PARD3: variants seen among roughly 807,000 people sequenced by gnomAD.
PARD3 encodes par-3 family cell polarity regulator.
Under a neutral mutation model 155.4 loss-of-function variants are expected in PARD3, and 75 were observed. The observed-to-expected ratio is 0.48, with a 90% CI of 0.40 to 0.58. The LOEUF (loss-of-function observed/expected upper bound fraction) is 0.58, where lower values mean the gene tolerates loss of function less well. Ranked by LOEUF, PARD3 falls within the 20% of genes least tolerant of loss-of-function variation. The pLI, the probability that PARD3 is intolerant of heterozygous loss-of-function variation, is 0.00. For missense variants in PARD3, 1,642 were observed against 1,721.7 expected (o/e 0.95, Z 0.82); for synonymous variants, 576 against 610.5 (o/e 0.94, Z 0.83).
At chr10:34,322,706 T>C (rs552412264) in intron 19 of PARD3, among the ~76,000 whole-genome samples, 21 of 152,210 alleles carry the variant, frequency 1.4e-4, no homozygotes, top group African/African-American at 5.1e-4. Context: ...AACTCAACAA[T>C]ACTCTCCTCT....
chr10:34,170,267 T>C (rs1001922877), intron 22 of PARD3, among the ~76,000 whole-genome samples: 1 of 152,140 alleles, frequency 6.6e-6, no homozygotes, highest in African/African-American at 2.4e-5. Flanking sequence ...TTAAAATTTC[T>C]TGTAGAGACC....
intron 12 of PARD3, among the ~76,000 whole-genome samples, chr10:34,369,413 A>G (rs532598870): frequency 6.6e-6 from 1 of 151,896 alleles, no homozygotes; most frequent in African/African-American, 2.4e-5. Context: ...TTCTTCTTCC[A>G]GTGTGGCCCA....
At chr10:34,386,623 T>C (rs1842371203) in intron 7 of PARD3, among the ~76,000 whole-genome samples, 1 of 151,974 alleles carries the variant, frequency 6.6e-6, no homozygotes, top group Non-Finnish European at 1.5e-5. Flanking sequence ...AGGAGTTCAA[T>C]ACCAGACTGA....
At chr10:34,651,356 T>G (rs945854678) in intron 2 of PARD3, among the ~76,000 whole-genome samples, 7 of 152,336 alleles carry the variant, frequency 4.6e-5, no homozygotes, top group African/African-American at 1.4e-4. Flanking sequence ...CTAAAGGGCA[T>G]GTCACAGGCT....
At chr10:34,681,297 T>C (rs1183457879) in intron 2 of PARD3, among the ~76,000 whole-genome samples, 1 of 151,942 alleles carries the variant, frequency 6.6e-6, no homozygotes, top group Non-Finnish European at 1.5e-5. Context: ...CTGCCACAGG[T>C]TGGAGGGAAA....
chr10:34,490,385 C>T (rs535145367), intron 3 of PARD3, among the ~76,000 whole-genome samples: 80 of 151,772 alleles, frequency 5.3e-4, no homozygotes, highest in African/African-American at 1.9e-3. Flanking sequence ...AGGAAGGGCA[C>T]ATTACAGAGA....
chr10:34,658,835 TGC>T (rs2093251181), intron 2 of PARD3, among the ~76,000 whole-genome samples: 1 of 152,148 alleles, frequency 6.6e-6, no homozygotes, highest in Non-Finnish European at 1.5e-5. Context: ...TTAATCCTGG[TGC>T]ATTCTGAGCC....
At chr10:34,351,340 AAGTG>A (rs1437392833) in intron 14 of PARD3, among the ~76,000 whole-genome samples, 5 of 152,246 alleles carry the variant, frequency 3.3e-5, no homozygotes, top group African/African-American at 7.2e-5. Flanking sequence ...TCATTCCTAA[AAGTG>A]AGTGAGTCAT....
At chr10:34,126,563 A>G (rs1947299532) in intron 23 of PARD3, among the ~76,000 whole-genome samples, 1 of 152,210 alleles carries the variant, frequency 6.6e-6, no homozygotes, top group Non-Finnish European at 1.5e-5. Context: ...TCATGGTCCC[A>G]TCCCTTCCAA....
intron 12 of PARD3, among the ~76,000 whole-genome samples, chr10:34,364,311 G>A (rs1468312885): frequency 5.9e-5 from 9 of 152,116 alleles, no homozygotes; most frequent in African/African-American, 1.9e-4. Context: ...AAAATTATAG[G>A]AGTGAGCTCA....
chr10:34,379,251 A>C (rs559097987), intron 9 of PARD3, among the ~76,000 whole-genome samples: 23 of 152,290 alleles, frequency 1.5e-4, no homozygotes, highest in Admixed American at 6.5e-4. Flanking sequence ...GTGAATAAAA[A>C]TGTAGATTAA....
intron 2 of PARD3, among the ~76,000 whole-genome samples, chr10:34,573,548 A>G (rs1344688628): frequency 1.3e-5 from 2 of 152,120 alleles, no homozygotes; most frequent in Non-Finnish European, 2.9e-5. Context: ...CCAAAAGACA[A>G]AAAATAAAAT....
intron 20 of PARD3, among the ~76,000 whole-genome samples, chr10:34,316,379 A>G (rs1218509330): frequency 6.6e-6 from 1 of 152,234 alleles, no homozygotes; most frequent in Non-Finnish European, 1.5e-5. Flanking sequence ...AATGATTTGT[A>G]AAAAATGATA....
chr10:34,294,957 C>T (rs1175106132), intron 20 of PARD3, among the ~76,000 whole-genome samples: 1 of 152,118 alleles, frequency 6.6e-6, no homozygotes, highest in East Asian at 1.9e-4. Context: ...AATACTAGCA[C>T]TTTGGGAGAC....
intron 2 of PARD3, among the ~76,000 whole-genome samples, chr10:34,611,485 A>G (rs2090887125): frequency 6.6e-6 from 1 of 152,214 alleles, no homozygotes; most frequent in East Asian, 1.9e-4. Flanking sequence ...GAAAAGACAC[A>G]TGCAGGAGTA....
At chr10:34,298,407 A>C (rs1216260649) in intron 20 of PARD3, among the ~76,000 whole-genome samples, 1 of 152,216 alleles carries the variant, frequency 6.6e-6, no homozygotes, top group Non-Finnish European at 1.5e-5. Context: ...ATAAAATACT[A>C]CTCAGCTTCA....
At chr10:34,415,096 C>A (rs1397774898) in intron 5 of PARD3, among the ~76,000 whole-genome samples, 1 of 152,148 alleles carries the variant, frequency 6.6e-6, no homozygotes, top group Non-Finnish European at 1.5e-5. Context: ...GGAGGAATAA[C>A]CACCAATGTG....
intron 18 of PARD3, 22 bp from the exon 19 acceptor site, chr10:34,331,366 A>G: frequency 7.8e-6 from 12 of 1,539,028 alleles, no homozygotes; most frequent in Non-Finnish European, 1.1e-5. Context: ...ACAAGAAAAA[A>G]AATGTTAGTG....
chr10:34,440,322 TAAAG>T (rs2076399818), intron 5 of PARD3, among the ~76,000 whole-genome samples: 1 of 152,048 alleles, frequency 6.6e-6, no homozygotes, highest in African/African-American at 2.4e-5. Context: ...AACGTAGAAA[TAAAG>T]AACAAAATTT....
Sources: allele counts gnomAD v4.1 joint callset (sites outside exome capture counted in the v4.1 genomes callset), GRCh38; gene constraint gnomAD v4.1.1; transcripts MANE v1.5; gene names NCBI Gene and HGNC (gene_info 2026-07-23, HGNC 2026-07-21).